The following DST variants were observed in gnomAD, a reference collection of about 807,000 sequenced individuals.
The protein encoded by DST is dystonin, also known as bullous pemphigoid antigen.
In DST, 253 loss-of-function variants were observed where a neutral mutation model predicts 875.2. That is an observed-to-expected ratio of 0.29 (90% CI 0.26 to 0.32). The LOEUF is 0.32. Among genes scored for constraint, DST ranks in the 10% least tolerant of loss-of-function variants. The pLI, the probability that DST is intolerant of heterozygous loss-of-function variation, is 1.00. For synonymous variants in DST, 3,124 were observed against 3,197.1 expected (o/e 0.98, Z 0.77); for missense variants, 8,287 against 9,111.6 (o/e 0.91, Z 3.68).
intron 69 of DST, 33 bp downstream of exon 69, chr6:56,526,328 T>G (rs1025088328): frequency 3.1e-6 from 5 of 1,607,488 alleles, no homozygotes; most frequent in African/African-American, 1.3e-5. Flanking sequence ...TGGAGAAAAT[T>G]TATTGCCTAA....
intron 3 of DST, among the ~76,000 whole-genome samples, chr6:56,859,187 T>C (rs984497447): frequency 6.6e-6 from 1 of 152,206 alleles, no homozygotes; most frequent in African/African-American, 2.4e-5. Context: ...CCAGACTGCT[T>C]TGTGTATAGT....
chr6:56,598,496 T>C lies in DST; in HGVS notation c.11908A>G (p.Ile3970Val), dbSNP rs2098413724. Residue 3970 changes from isoleucine to valine, a missense_variant, in exon 46 of 104, where the codon ATC becomes GTC. This residue lies in a region of DST where 1,513 missense variants were observed against 1,677.8 expected (regional missense o/e 0.90). Transcript: ENST00000680361. ...KELDKVVTTA[I>V]KEETEKVAAV... ...AGGACCTTTTCAGTTTCTTCCTTGA[T>C]TGCTGTTGTCACAACTTTATCCAGC... 3 of 1,574,282 alleles carry C rather than the reference T, an allele frequency of 1.9e-6. No individual in the cohort carries two copies. The highest frequency in any genetic ancestry group is 2.3e-5 in the East Asian group (1 of 44,178).
intron 6 of DST, among the ~76,000 whole-genome samples, chr6:56,704,076 T>C (rs747029497): frequency 5.3e-5 from 8 of 152,286 alleles, no homozygotes; most frequent in Middle Eastern, 3.4e-3. Flanking sequence ...AGTGAAGTAA[T>C]CAAAGTGCTT....
chr6:56,774,992 CAAA>C (rs71549720), intron 4 of DST, among the ~76,000 whole-genome samples: 3 of 52,318 alleles, frequency 5.7e-5, no homozygotes, highest in African/African-American at 5.2e-5. Context: ...AACTCCATCT[CAAA>C]AAAAAAAAAA....
At chr6:56,484,326 T>A (rs2095494383) in intron 88 of DST, 1 of 152,160 alleles carries the variant, frequency 6.6e-6, no homozygotes, top group Non-Finnish European at 1.5e-5. Context: ...GTTCTTTATT[T>A]ATTCTTTTAT....
rs771734453 is a variant in DST at position 56,460,267 on chromosome 6, A to C, written c.23071-13T>G. 1.2e-6 allele frequency: 2 copies of C among 1,613,914 alleles called. No individual in the cohort carries two copies. Among genetic ancestry groups the C allele is most frequent in the South Asian group, 2.2e-5 (2 of 91,072 alleles). Reference sequence around the variant, plus strand: ...GTATTGGCGTTCCCTGTATTTAACCAGCAACAAGACATTTCAAAATATTGC... The same window carrying C: ...GTATTGGCGTTCCCTGTATTTAACCCGCAACAAGACATTTCAAAATATTGC... On this transcript the variant is annotated splice_polypyrimidine_tract_variant and intron_variant, in intron 102 of 103. Transcript: ENST00000680361.
In DST at chr6:56,501,067, A is replaced by G. The variant is rs1327577896; in HGVS notation, c.19896+13T>C. 6.2e-7 allele frequency: 1 copy of G among 1,610,444 alleles called. No homozygotes were observed. Among genetic ancestry groups the G allele is most frequent in the Non-Finnish European group, 8.5e-7 (1 of 1,178,244 alleles). ...ACAGAGAAGAAACATAACATGCATT[A>G]ACAGCTACGTACATGATGCTTGGCA... is the stretch of plus-strand genomic sequence containing the variant. On this transcript the variant is annotated intron_variant, in intron 80 of 103. Transcript: ENST00000680361.
At chr6:56,642,987 C>A in intron 15 of DST, 3 of 1,319,430 alleles carry the variant, frequency 2.3e-6, no homozygotes, top group Non-Finnish European at 3.0e-6. Context: ...AGAATCTAGC[C>A]TAAAGCCATT....
At chr6:56,747,904 G>A (rs1563987810) in intron 4 of DST, among the ~76,000 whole-genome samples, 1 of 151,956 alleles carries the variant, frequency 6.6e-6, no homozygotes, top group Non-Finnish European at 1.5e-5. Flanking sequence ...AAACAGAACA[G>A]TTTTCACTTT....
At chr6:56,832,900 C>G (rs1438767342) in intron 4 of DST, among the ~76,000 whole-genome samples, 1 of 152,106 alleles carries the variant, frequency 6.6e-6, no homozygotes, top group Non-Finnish European at 1.5e-5. Flanking sequence ...CCACCACATC[C>G]AGCTAATTTT....
intron 37 of DST, 64 bp downstream of exon 37, chr6:56,614,292 T>G: frequency 7.0e-7 from 1 of 1,427,166 alleles, no homozygotes; most frequent in East Asian, 2.4e-5. Context: ...CTAGGTAAAC[T>G]GTGTCAACTC....
At chr6:56,599,337 T>C (rs1307196981) in intron 45 of DST, among the ~76,000 whole-genome samples, 2 of 152,104 alleles carry the variant, frequency 1.3e-5, no homozygotes, top group Admixed American at 1.3e-4. Flanking sequence ...TTTAATATTA[T>C]TTTTTCCATA....
chr6:56,484,482 A>T (rs1217180926), intron 88 of DST: 1 of 152,196 alleles, frequency 6.6e-6, no homozygotes, highest in Admixed American at 6.5e-5. Flanking sequence ...TAACCAATAT[A>T]AAGAGAACAT....
Position 56,604,425 on chromosome 6 carries a change from C to A in DST, c.10203G>T (p.Glu3401Asp), listed in dbSNP as rs781067371. ...KRITTSQLVN[E>D]ASTVPSDSQM... ...GAGAGTCGCTGGGCACAGTAGATGC[C>A]TCATTTACCAACTGTGATGTGGTAA... Residue 3401 changes from glutamate to aspartate, a missense_variant, in exon 40 of 104, where the codon GAG (glutamate) becomes GAT (aspartate). By Grantham distance (45) the Glu-to-Asp change is conservative. This residue lies in a region of DST where 3,138 missense variants were observed against 3,116.6 expected (regional missense o/e 1.01). Transcript: ENST00000680361. 1 of 1,609,530 alleles carries A rather than the reference C, an allele frequency of 6.2e-7. No individual in the cohort carries two copies. Among genetic ancestry groups the A allele is most frequent in the African/African-American group, 1.3e-5 (1 of 74,796 alleles).
chr6:56,844,985 C>T (rs936016246), intron 4 of DST, among the ~76,000 whole-genome samples: 1 of 151,998 alleles, frequency 6.6e-6, no homozygotes, highest in Non-Finnish European at 1.5e-5. Flanking sequence ...AGTAAAACAG[C>T]GATAGTAGTG....
chr6:56,938,671 C>T (rs755950058), intron 2 of DST, among the ~76,000 whole-genome samples: 3 of 152,216 alleles, frequency 2.0e-5, no homozygotes, highest in Non-Finnish European at 4.4e-5. Context: ...CCCACTGTGA[C>T]TTGCTTTGGC....
intron 27 of DST, among the ~76,000 whole-genome samples, chr6:56,633,338 T>C (rs1225892900): frequency 6.7e-6 from 1 of 149,298 alleles, no homozygotes; most frequent in Non-Finnish European, 1.5e-5. Context: ...GCCATTCTCC[T>C]GCCTCAGCCT....
Position 56,620,556 on chromosome 6 carries a change from C to G in DST, c.4929+3974G>C, listed in dbSNP as rs1469921824. 23 of 1,613,916 alleles carry G rather than the reference C, an allele frequency of 1.4e-5. No homozygotes were observed. The highest frequency in any genetic ancestry group is 1.9e-5 in the Non-Finnish European group (22 of 1,180,044). ...GCAGCCTCCCTGACCTTCGGAAGTT[C>G]TTCCTCTACTCGGGACTTTTGTTTC... On this transcript the variant is annotated intron_variant, in intron 36 of 103. Transcript: ENST00000680361.
intron 5 of DST, among the ~76,000 whole-genome samples, chr6:56,734,125 G>A (rs968651633): frequency 1.3e-5 from 2 of 152,182 alleles, no homozygotes; most frequent in African/African-American, 4.8e-5. Context: ...ATGAACTGCC[G>A]CATGCTGCGT....
Sources: allele counts gnomAD v4.1 joint callset (sites outside exome capture counted in the v4.1 genomes callset), GRCh38; gene constraint gnomAD v4.1.1; regional missense constraint gnomAD v4.1.1; transcripts MANE v1.5; gene names NCBI Gene and HGNC (gene_info 2026-07-23, HGNC 2026-07-21).